The following NUMA1 variants were observed in gnomAD, a reference collection of about 807,000 sequenced individuals.
The protein encoded by NUMA1 is nuclear mitotic apparatus protein 1, also known as SP-H antigen.
A neutral mutation model predicts 237.1 loss-of-function variants in NUMA1; 62 were observed. That is an observed-to-expected ratio of 0.26 (90% confidence interval 0.21 to 0.32). The LOEUF is 0.32. Ranked by LOEUF, NUMA1 falls within the 10% of genes least tolerant of loss-of-function variation. NUMA1 has a pLI of 1.00. For missense variants in NUMA1, 2,533 were observed against 2,666.5 expected (o/e 0.95, Z 1.10); for synonymous variants, 1,028 against 1,066.1 (o/e 0.96, Z 0.70).
At position 72,013,321 on chromosome 11, in the gene NUMA1, T is replaced by A. The variant is rs1304262602; in HGVS notation, c.4182A>T (p.Gly1394=). ...ELEQSKQAAG[G]LRAELLRAQR... ...GGGCCCGCAGCAGCTCTGCCCGCAG[T>A]CCCCCAGCGGCCTGCTTGCTCTGCT... Residue 1394 remains glycine, a synonymous_variant, in exon 15 of 27, where the codon GGA becomes GGT. Transcript: ENST00000393695. The surrounding 1 kb of genome is among the most constrained non-coding windows in gnomAD (Gnocchi z 6.8). The A allele has an allele frequency of 6.2e-7, 1 of 1,605,626 alleles. No individual in the cohort carries two copies.
At chr11:72,046,739 T>G (rs1047009940) in intron 2 of NUMA1, among the ~76,000 whole-genome samples, 8 of 151,668 alleles carry the variant, frequency 5.3e-5, no homozygotes, top group African/African-American at 1.9e-4. Context: ...GTGGGCAGAT[T>G]GTTTGAGCTC....
chr11:72,047,147 T>C (rs1361519400), intron 2 of NUMA1, among the ~76,000 whole-genome samples: 1 of 151,602 alleles, frequency 6.6e-6, no homozygotes, highest in Non-Finnish European at 1.5e-5. Context: ...GCATCAGGAT[T>C]TACATTATCA....
intron 2 of NUMA1, among the ~76,000 whole-genome samples, chr11:72,069,625 A>G (rs1344194514): frequency 3.3e-5 from 5 of 152,196 alleles, no homozygotes; most frequent in Non-Finnish European, 5.9e-5. Flanking sequence ...GCAAGGGCCA[A>G]TGAAAACCTC....
At chr11:72,021,597 A>G (rs541810605) in intron 7 of NUMA1, among the ~76,000 whole-genome samples, 1 of 152,302 alleles carries the variant, frequency 6.6e-6, no homozygotes, top group Admixed American at 6.5e-5. Context: ...ACACAATCAG[A>G]AAGTTGCTTT....
chr11:72,022,981 G>C, intron 6 of NUMA1, 84 bp downstream of exon 6: 1 of 930,126 alleles, frequency 1.1e-6, no homozygotes, highest in Non-Finnish European at 1.7e-6. Context: ...TCTCCCCTTG[G>C]GTTAAGAGAA....
intron 2 of NUMA1, chr11:72,041,408 A>G (rs1300592714): frequency 6.6e-6 from 1 of 152,270 alleles, no homozygotes; most frequent in Non-Finnish European, 1.5e-5. Flanking sequence ...TGTGGCATAA[A>G]CACACAAAAC....
Position 72,004,701 on chromosome 11 carries a change from G to A in NUMA1, c.5945C>T (p.Thr1982Ile). Residue 1982 changes from threonine (T) to isoleucine (I), a missense_variant, in exon 24 of 27, where the codon ACC becomes ATC. By Grantham distance (89) the Thr-to-Ile change is moderately conservative (BLOSUM62 -1). Around this residue, in one of 3 missense-constraint regions of NUMA1, gnomAD observed 795 missense variants for 750.8 expected, o/e 1.06. Transcript: ENST00000393695. ...PIQIAEGTGI[T>I]TRQQRKRVSL... is the part of the protein sequence containing the mutation. ...GACCCGTTTGCGCTGCTGCCGGGTG[G>A]TGATGCCAGTGCCCTCGGCTATCTG... The A allele has an allele frequency of 6.2e-7, 1 of 1,613,850 alleles. No individual in the cohort carries two copies. Among genetic ancestry groups the A allele is most frequent in the Admixed American group, 1.7e-5 (1 of 60,012 alleles).
chr11:72,025,459 T>G (rs10898814), intron 4 of NUMA1, among the ~76,000 whole-genome samples: 1 of 151,978 alleles, frequency 6.6e-6, no homozygotes, highest in African/African-American at 2.4e-5. Context: ...TCTGGGAGGC[T>G]TTTGCCATCT....
At chr11:72,075,457 T>G (rs1308934856) in intron 1 of NUMA1, among the ~76,000 whole-genome samples, 1 of 152,128 alleles carries the variant, frequency 6.6e-6, no homozygotes, top group Non-Finnish European at 1.5e-5. Flanking sequence ...ATCAGCTAAG[T>G]AAGGCTCAAC....
At chr11:72,069,074 G>A (rs1943330930) in intron 2 of NUMA1, among the ~76,000 whole-genome samples, 4 of 152,180 alleles carry the variant, frequency 2.6e-5, no homozygotes, top group Non-Finnish European at 5.9e-5. Flanking sequence ...AAATCTAAAG[G>A]CTGAGAACAC....
intron 16 of NUMA1, among the ~76,000 whole-genome samples, chr11:72,011,869 T>G (rs1956185533): frequency 6.6e-6 from 1 of 152,098 alleles, no homozygotes; most frequent in African/African-American, 2.4e-5. Flanking sequence ...ATCTCTATGC[T>G]GTGCTCGGGG....
intron 1 of NUMA1, among the ~76,000 whole-genome samples, chr11:72,078,784 G>A (rs1943839327): frequency 6.6e-6 from 1 of 152,220 alleles, no homozygotes; most frequent in South Asian, 2.1e-4. Flanking sequence ...AAGAGGGACT[G>A]AGGAAACATA....
intron 1 of NUMA1, among the ~76,000 whole-genome samples, chr11:72,074,246 G>A (rs192746181): frequency 1.3e-5 from 2 of 151,950 alleles, no homozygotes; most frequent in East Asian, 1.9e-4. Flanking sequence ...CCAGTTACTC[G>A]GGAGGCTGAG....
intron 20 of NUMA1, chr11:72,008,240 A>G (rs574226320): frequency 3.6e-5 from 15 of 415,286 alleles, no homozygotes; most frequent in Non-Finnish European, 6.6e-5. Flanking sequence ...TTAAGATGCA[A>G]ATTAACCATG....
intron 4 of NUMA1, chr11:72,024,575 C>T (rs779065636): frequency 3.7e-6 from 2 of 547,660 alleles, no homozygotes; most frequent in Non-Finnish European, 6.6e-6. Context: ...TGGGGTTCTT[C>T]TGGAAAAGAT....
chr11:72,004,424 T>C (rs1458300855), intron 24 of NUMA1, 83 bp from the exon 25 acceptor site: 2 of 1,332,204 alleles, frequency 1.5e-6, no homozygotes, highest in South Asian at 1.2e-5. Context: ...CAGAGCTGAG[T>C]GGACCTTGTA....
At position 72,014,422 on chromosome 11, in the gene NUMA1, T is replaced by G. The variant is rs1223634874; in HGVS notation, c.3081A>C (p.Arg1027Ser). ...QADLALEKAA[R>S]AELEMRLQNA... ...TCTGCAGCCGCATCTCAAGCTCTGC[T>G]CTGGCCGCCTTCTCCAGGGCAAGGT... The change falls in exon 15 of 27, where the codon AGA (arginine) becomes AGC (serine). Residue 1027 changes from arginine (R) to serine (S), a missense_variant. By Grantham distance (110) the Arg-to-Ser change is moderately radical (BLOSUM62 -1). Coordinates refer to ENST00000393695, the MANE Select transcript of NUMA1 (RefSeq NM_006185.4). The surrounding 1 kb of genome is among the most constrained non-coding windows in gnomAD (Gnocchi z 4.6). The G allele has an allele frequency of 6.2e-7, 1 of 1,608,612 alleles. No individual in the cohort carries two copies. Among genetic ancestry groups the G allele is most frequent in the Non-Finnish European group, 8.5e-7 (1 of 1,180,008 alleles).
rs551136578 is a variant in NUMA1, at chr11:72,067,675, A to G, written c.-33+2167T>C. 2.3e-4 allele frequency: 35 copies of G among 152,364 alleles called. 1 individual carries two copies. Among genetic ancestry groups the G allele is most frequent in the Admixed American group, 2.3e-3 (35 of 15,300 alleles). 9.4% of individuals were successfully genotyped at this position (152,364 alleles called of 1,614,324 possible). A position where few individuals can be genotyped will look rare whatever the true frequency, so the allele number is the denominator to read the frequency against. ...CCAGTAGTCAAACAGCTTAGAATAG[A>G]CATTTCCCTACCTCAAACCTTCTTA... On this transcript the variant is annotated intron_variant, in intron 2 of 26. Transcript: ENST00000393695.
Position 72,014,211 on chromosome 11 carries a change from C to T in NUMA1, c.3292G>A (p.Glu1098Lys). 6.2e-7 allele frequency: 1 copy of T among 1,614,096 alleles called. No individual in the cohort carries two copies. The highest frequency in any genetic ancestry group is 8.5e-7 in the Non-Finnish European group (1 of 1,180,052). ...KQLKEQLAKK[E>K]KEHASGSGAQ... is the part of the protein sequence containing the mutation. The stretch of plus-strand genomic sequence containing the variant: ...CCTGAGCCAGATGCGTGCTCCTTTT[C>T]TTTCTTAGCCAGCTGTTCCTTCAGT... Residue 1098 changes from glutamate to lysine, a missense_variant, in exon 15 of 27, where the codon GAA (glutamate) becomes AAA (lysine). Around this residue, in one of 3 missense-constraint regions of NUMA1, gnomAD observed 1,414 missense variants for 1,508.1 expected, o/e 0.94. Transcript: ENST00000393695. The surrounding 1 kb of genome is among the most constrained non-coding windows in gnomAD (Gnocchi z 4.6).
Sources: allele counts gnomAD v4.1 joint callset (sites outside exome capture counted in the v4.1 genomes callset), GRCh38; gene constraint gnomAD v4.1.1; regional missense constraint gnomAD v4.1.1; non-coding constraint Gnocchi (gnomAD v3.1); transcripts MANE v1.5; gene names NCBI Gene and HGNC (gene_info 2026-07-23, HGNC 2026-07-21).